The following UBE2F variants were observed in gnomAD, a reference collection of about 807,000 sequenced individuals.
The protein encoded by UBE2F is NEDD8-conjugating enzyme UBE2F.
UBE2F carries 5 observed loss-of-function variants against 29.6 expected under a neutral mutation model. That is an observed-to-expected ratio of 0.17 (90% CI 0.09 to 0.36). The LOEUF is 0.36. Ranked by LOEUF, UBE2F falls within the 10% of genes least tolerant of loss-of-function variation. The pLI, the probability that UBE2F is intolerant of heterozygous loss-of-function variation, is 1.00. For missense variants in UBE2F, 141 were observed against 228.5 expected, an observed-to-expected ratio of 0.62 and a Z score of 2.47; for synonymous variants, 66 against 81.8, an observed-to-expected ratio of 0.81 and a Z score of 1.04.
intron 4 of UBE2F, among the ~76,000 whole-genome samples, chr2:238,014,553 A>G (rs2064112696): frequency 6.6e-6 from 1 of 152,254 alleles, no homozygotes; most frequent in Admixed American, 6.5e-5. Context: ...AACTAGAGAA[A>G]AAATATAGCA....
chr2:237,973,456 G>A (rs2063214188), intron 2 of UBE2F, among the ~76,000 whole-genome samples: 1 of 152,196 alleles, frequency 6.6e-6, no homozygotes, highest in South Asian at 2.1e-4. Flanking sequence ...TATACACTTG[G>A]GATGTTCTTT....
At chr2:238,039,782 G>A (rs1351815125) in intron 9 of UBE2F, among the ~76,000 whole-genome samples, 2 of 152,204 alleles carry the variant, frequency 1.3e-5, no homozygotes, top group African/African-American at 4.8e-5. Context: ...CGGGCTCTAT[G>A]CTGGCTGAGG....
intron 3 of UBE2F, among the ~76,000 whole-genome samples, chr2:237,988,447 CAA>C (rs35634659): frequency 1.2e-3 from 178 of 144,500 alleles, no homozygotes; most frequent in Admixed American, 1.6e-3. Flanking sequence ...GACTCCATCT[CAA>C]AAAAAAAAAA....
chr2:237,989,266 A>G (rs2063537802), intron 3 of UBE2F, among the ~76,000 whole-genome samples: 1 of 152,196 alleles, frequency 6.6e-6, no homozygotes, highest in African/African-American at 2.4e-5. Context: ...TCCAGCCTCC[A>G]TCTGAAGTAG....
At chr2:238,020,733 C>T (rs534078881) in intron 5 of UBE2F, among the ~76,000 whole-genome samples, 3 of 152,234 alleles carry the variant, frequency 2.0e-5, no homozygotes, top group Admixed American at 6.5e-5. Context: ...GTTTAACTCC[C>T]AGCCTAAAGC....
intron 4 of UBE2F, among the ~76,000 whole-genome samples, chr2:238,011,498 A>G (rs1182531220): frequency 6.6e-6 from 1 of 152,208 alleles, no homozygotes; most frequent in Non-Finnish European, 1.5e-5. Context: ...GGCGGGAATT[A>G]TCTCTTGTTG....
intron 2 of UBE2F, among the ~76,000 whole-genome samples, chr2:237,987,413 G>A (rs562366521): frequency 6.6e-6 from 1 of 152,204 alleles, no homozygotes; most frequent in Non-Finnish European, 1.5e-5. Flanking sequence ...GTGTTGAATA[G>A]AAGTGGTGAG....
intron 4 of UBE2F, among the ~76,000 whole-genome samples, chr2:238,011,065 A>G (rs908285868): frequency 6.6e-6 from 1 of 152,136 alleles, no homozygotes; most frequent in South Asian, 2.1e-4. Flanking sequence ...CACCTGGATG[A>G]TTACAACAGA....
chr2:237,974,500 GGTTTTTTTTTTTTT>G (rs1427923771), intron 2 of UBE2F, among the ~76,000 whole-genome samples: 7 of 77,596 alleles, frequency 9.0e-5, no homozygotes, highest in South Asian at 3.9e-4. Context: ...AAATTTTTGT[GGTTTTTTTTTTTTT>G]GTTTTTTTTT....
intron 5 of UBE2F, among the ~76,000 whole-genome samples, chr2:238,023,312 G>T (rs2064337874): frequency 6.6e-6 from 1 of 152,196 alleles, no homozygotes. Context: ...CCATTTATTT[G>T]TAGAAAAGCA....
chr2:237,974,250 C>T (rs2063230401), intron 2 of UBE2F, among the ~76,000 whole-genome samples: 1 of 151,530 alleles, frequency 6.6e-6, no homozygotes, highest in Non-Finnish European at 1.5e-5. Flanking sequence ...CTCCGCCTCC[C>T]AGGTTCAAGC....
intron 4 of UBE2F, among the ~76,000 whole-genome samples, chr2:237,998,930 T>C (rs2106358947): frequency 6.6e-6 from 1 of 152,282 alleles, no homozygotes; most frequent in East Asian, 1.9e-4. Context: ...CCCCAGTCTT[T>C]TGCCCTAAAA....
At chr2:237,998,378 C>T (rs2063728406) in intron 4 of UBE2F, among the ~76,000 whole-genome samples, 1 of 152,010 alleles carries the variant, frequency 6.6e-6, no homozygotes. Context: ...TTTTCTTGTT[C>T]TTGAATTTTT....
intron 4 of UBE2F, among the ~76,000 whole-genome samples, chr2:238,010,213 G>T (rs1274984473): frequency 1.3e-5 from 2 of 150,860 alleles, no homozygotes; most frequent in African/African-American, 4.9e-5. Flanking sequence ...TTGCTTTATT[G>T]CCCAGGCTGG....
intron 1 of UBE2F, among the ~76,000 whole-genome samples, chr2:237,972,540 AAT>A (rs1491322034): frequency 4.7e-5 from 2 of 42,998 alleles, no homozygotes; most frequent in African/African-American, 2.2e-4. Context: ...TTTAATTTTA[AAT>A]TTTTTTTTTT....
intron 2 of UBE2F, among the ~76,000 whole-genome samples, chr2:237,983,934 C>G (rs1244982231): frequency 3.9e-5 from 6 of 152,052 alleles, no homozygotes; most frequent in Admixed American, 1.3e-4. Flanking sequence ...TTTTGTTGAC[C>G]TTACCCAGTC....
intron 6 of UBE2F, among the ~76,000 whole-genome samples, chr2:238,026,041 A>G (rs80328082): frequency 0.014 from 2,153 of 152,228 alleles, 43 homozygotes; most frequent in African/African-American, 0.048. Flanking sequence ...TAAGTTTCAC[A>G]TTTGGGCTTT....
Position 238,015,722 on chromosome 2 carries a change from G to A in UBE2F, c.215-844G>A, listed in dbSNP as rs73096367. 1.7e-3 allele frequency among the ~76,000 whole-genome samples: 259 copies of A among 152,314 alleles called. 2 individuals are homozygous for A. The highest frequency in any genetic ancestry group is 5.9e-3 in the African/African-American group (246 of 41,574). On this transcript the variant is annotated intron_variant, in intron 4 of 9. Coordinates refer to ENST00000272930, the MANE Select transcript of UBE2F (RefSeq NM_080678.3). The stretch of plus-strand genomic sequence containing the variant: ...CATGATGATAAATATTTTAGGGGAA[G>A]TTGAATTTTAATTTTAAAATGGTGC...
intron 4 of UBE2F, among the ~76,000 whole-genome samples, chr2:238,014,295 AAG>A (rs2064107467): frequency 6.6e-6 from 1 of 152,250 alleles, no homozygotes; most frequent in Non-Finnish European, 1.5e-5. Context: ...AAGAGGGAAA[AAG>A]AAGTACTGAT....
Sources: gnomAD v4.1 joint callset for allele counts (sites outside exome capture counted in the v4.1 genomes callset) on GRCh38, gnomAD v4.1.1 for gene constraint, MANE v1.5 for transcripts, NCBI Gene and HGNC (gene_info 2026-07-23, HGNC 2026-07-21) for gene names.